Variants in EPHA10 observed in about 807,000 individuals in gnomAD.
EPHA10 encodes ephrin type-A receptor 10.
EPHA10 carries 120 observed loss-of-function variants against 109.7 expected under a neutral mutation model. That is an observed-to-expected ratio of 1.09 (90% CI 0.94 to 1.27). EPHA10 has a LOEUF of 1.27. EPHA10 is among the 50% of genes most tolerant of loss of function. The pLI, the probability that EPHA10 is intolerant of heterozygous loss-of-function variation, is 0.00. For missense variants in EPHA10, 1,396 were observed against 1,411.1 expected, an observed-to-expected ratio of 0.99 and a Z score of 0.17; for synonymous variants, 640 against 618.9, an observed-to-expected ratio of 1.03 and a Z score of -0.51.
At position 37,762,824 on chromosome 1, in the gene EPHA10, G is replaced by A. The variant is rs367869517; in HGVS notation, c.132C>T (p.Ser44=). 2.4e-5 allele frequency: 38 copies of A among 1,553,396 alleles called. No individual in the cohort carries two copies. The highest frequency in any genetic ancestry group is 7.8e-5 in the Admixed American group (4 of 51,336). Residue 44 remains serine (S), a synonymous_variant, in exon 2 of 17, where the codon TCC becomes TCT. Transcript: ENST00000373048. ...EEVILLDSKA[S]QAELGWTALP... is the part of the protein sequence containing the mutation. ...GTGCAGTCCAGCCCAGCTCGGCCTG[G>A]GAGGCTTTGGAATCCAGGAGGATAA...
chr1:37,714,569 C>A (rs189799780), downstream of EPHA10, among the ~76,000 whole-genome samples: 59 of 152,342 alleles, frequency 3.9e-4, no homozygotes, highest in African/African-American at 1.4e-3. Flanking sequence ...CCCCGCCAGG[C>A]CTCTATGTTG....
intron 5 of EPHA10, among the ~76,000 whole-genome samples, chr1:37,741,833 G>A (rs1359451317): frequency 6.6e-6 from 1 of 151,506 alleles, no homozygotes; most frequent in Non-Finnish European, 1.5e-5. Context: ...CTGCTTTCGA[G>A]GAAGAGTGCT....
At chr1:37,751,733 C>T (rs1161719258) in intron 5 of EPHA10, among the ~76,000 whole-genome samples, 2 of 140,358 alleles carry the variant, frequency 1.4e-5, no homozygotes, top group Non-Finnish European at 3.1e-5. Flanking sequence ...ATTAGCTGGG[C>T]GTGGTGGCAT....
At position 37,735,248 on chromosome 1, in the gene EPHA10, C is replaced by G. The variant is rs1646049277; in HGVS notation, c.1491+9G>C. ...GCAGGCTCCAGGTCCCTCCCAGACA[C>G]GCACTCACCTTCTCGTAGTATCGGA... On this transcript the variant is annotated intron_variant, in intron 6 of 16. Coordinates refer to ENST00000373048, the MANE Select transcript of EPHA10 (RefSeq NM_001099439.2). 3 of 1,565,480 alleles carry G rather than the reference C, an allele frequency of 1.9e-6. No individual in the cohort carries two copies. The highest frequency in any genetic ancestry group is 2.6e-6 in the Non-Finnish European group (3 of 1,155,028).
chr1:37,765,074 A>T lies in EPHA10; in HGVS notation c.-8T>A. ...ACCGGCGCAGGTCTCCATGGTCCGC[A>T]GACCGAGCTGTCAGTCCGGCGGCGG... On this transcript the variant is annotated 5_prime_UTR_variant, in exon 1 of 17. Coordinates refer to ENST00000373048, the MANE Select transcript of EPHA10 (RefSeq NM_001099439.2). 6.3e-7 allele frequency: 1 copy of T among 1,586,880 alleles called. No individual in the cohort carries two copies. Among genetic ancestry groups the T allele is most frequent in the Non-Finnish European group, 8.5e-7 (1 of 1,170,314 alleles).
At position 37,718,330 on chromosome 1, in the gene EPHA10, T is replaced by G. The variant is rs376824698; in HGVS notation, c.*42A>C. On this transcript the variant is annotated 3_prime_UTR_variant, in exon 17 of 17. Transcript: ENST00000373048. ...CGGTCCTTGGGCAGGGCTGGGGGAC[T>G]GGACCCCCACCGGAGTCCTGCCTTG... 5.8e-5 allele frequency: 86 copies of G among 1,493,528 alleles called. No homozygotes were observed. The highest frequency in any genetic ancestry group is 8.3e-5 in the African/African-American group (6 of 72,458). The allele number at this position is 1,493,528 out of a possible 1,614,324, so 92.5% of individuals were successfully genotyped here.
At chr1:37,721,930 T>C (rs953681305) in intron 10 of EPHA10, 85 bp from the exon 11 acceptor site, 17 of 1,326,510 alleles carry the variant, frequency 1.3e-5, no homozygotes, top group Non-Finnish European at 1.7e-5. Flanking sequence ...AAAGTGACTC[T>C]GACCAGCCTG....
chr1:37,733,889 C>T (rs1557542233), intron 6 of EPHA10, among the ~76,000 whole-genome samples: 1 of 152,128 alleles, frequency 6.6e-6, no homozygotes, highest in Non-Finnish European at 1.5e-5. Context: ...GTCCCAGAGG[C>T]CCCCTGAATG....
intron 6 of EPHA10, chr1:37,734,456 C>T (rs1296669808): frequency 8.7e-6 from 3 of 346,252 alleles, no homozygotes; most frequent in Non-Finnish European, 1.7e-5. Context: ...ATCACTTGAA[C>T]CTGGGAGACG....
In EPHA10 at chr1:37,764,674, C is replaced by T. The variant is rs1023504060; in HGVS notation, c.106+287G>A. On this transcript the variant is annotated intron_variant, in intron 1 of 16. Transcript: ENST00000373048. This position sits in a 1 kb window ranked among gnomAD's most constrained non-coding sequence, Gnocchi z 5.8. ...GCACCTCCCACCTCCAATCACTCAG[C>T]TTGTCCGTCTCACCGGCCGCTGGAC... Among the ~76,000 whole-genome samples, 23 of 152,128 alleles carry T rather than the reference C, an allele frequency of 1.5e-4. No individual in the cohort carries two copies. The highest frequency in any genetic ancestry group is 1.5e-3 in the Admixed American group (23 of 15,288).
chr1:37,761,226 C>A, intron 3 of EPHA10, 179 bp downstream of exon 3: 1 of 1,493,312 alleles, frequency 6.7e-7, no homozygotes. Context: ...CACTCATTGG[C>A]CCTGACTGGA....
intron 5 of EPHA10, among the ~76,000 whole-genome samples, chr1:37,741,876 A>G (rs900634858): frequency 2.0e-5 from 3 of 152,172 alleles, no homozygotes; most frequent in Non-Finnish European, 1.5e-5. Flanking sequence ...TTCTCAGCCA[A>G]AATTCACTTT....
At chr1:37,746,243 G>A (rs1372068724) in intron 5 of EPHA10, among the ~76,000 whole-genome samples, 1 of 151,920 alleles carries the variant, frequency 6.6e-6, no homozygotes, top group African/African-American at 2.4e-5. Flanking sequence ...TGGGATTACA[G>A]GCATGCACCA....
At chr1:37,742,825 A>C (rs1311910287) in intron 5 of EPHA10, among the ~76,000 whole-genome samples, 1 of 152,008 alleles carries the variant, frequency 6.6e-6, no homozygotes, top group East Asian at 1.9e-4. Context: ...GTCTCTACAA[A>C]ACAATTTAAA....
At chr1:37,747,459 G>A (rs1646256891) in intron 5 of EPHA10, among the ~76,000 whole-genome samples, 1 of 150,606 alleles carries the variant, frequency 6.6e-6, no homozygotes. Context: ...GCTGAGGCAG[G>A]AGAATCGCTT....
chr1:37,725,347 A>G lies in EPHA10; in HGVS notation c.1772+1755T>C, dbSNP rs192821555. Among the ~76,000 whole-genome samples, 4 of 152,132 alleles carry G rather than the reference A, an allele frequency of 2.6e-5. No homozygotes were observed. The East Asian group carries it at 7.8e-4, about 29-fold the overall frequency. On this transcript the variant is annotated intron_variant, in intron 8 of 16. Coordinates refer to ENST00000373048, the MANE Select transcript of EPHA10 (RefSeq NM_001099439.2). ...TGGCAAAACCCCGTCTCTACTAAAA[A>G]TACAAAAAATTAGCTGGATATGGTG...
intron 3 of EPHA10, among the ~76,000 whole-genome samples, chr1:37,757,233 G>A (rs1319551791): frequency 6.7e-6 from 1 of 149,308 alleles, no homozygotes; most frequent in Admixed American, 6.6e-5. Context: ...GAGAACAAAA[G>A]TCAAGGTCAC....
intron 5 of EPHA10, among the ~76,000 whole-genome samples, chr1:37,751,567 CA>C (rs34755028): frequency 0.61 from 86,721 of 141,750 alleles, 25,917 homozygotes; most frequent in Admixed American, 0.67. Context: ...AACTCCATTT[CA>C]AAAAAAAAAA....
At chr1:37,741,604 G>C (rs1646154584) in intron 5 of EPHA10, among the ~76,000 whole-genome samples, 1 of 152,098 alleles carries the variant, frequency 6.6e-6, no homozygotes, top group South Asian at 2.1e-4. Context: ...GAGTAGAGTG[G>C]CACATTTCTA....
Sources: allele counts gnomAD v4.1 joint callset (sites outside exome capture counted in the v4.1 genomes callset), GRCh38; gene constraint gnomAD v4.1.1; non-coding constraint Gnocchi (gnomAD v3.1); transcripts MANE v1.5; gene names NCBI Gene and HGNC (gene_info 2026-07-23, HGNC 2026-07-21).